Variants in POLA1 observed in about 807,000 individuals in gnomAD.
POLA1 encodes the protein DNA polymerase alpha catalytic subunit.
Under a neutral mutation model 124.0 loss-of-function variants are expected in POLA1, and 15 were observed. The ratio of observed to expected loss-of-function variants is 0.12; its 90% CI spans 0.08 to 0.19. POLA1 has a LOEUF of 0.19. POLA1 is among the 10% of genes least tolerant of loss of function. The pLI is 1.00. For synonymous variants in POLA1, 408 were observed against 389.4 expected, an observed-to-expected ratio of 1.05 and a Z score of -0.56; for missense variants, 886 against 1,103.4, an observed-to-expected ratio of 0.80 and a Z score of 2.79.
chrX:24,978,411 C>T (rs12010375), intron 36 of POLA1, among the ~76,000 whole-genome samples: 1 of 111,400 alleles, frequency 9.0e-6, no homozygotes, highest in Non-Finnish European at 1.9e-5. Context: ...TCATATTCCA[C>T]CCAGGTCAAA....
intron 36 of POLA1, among the ~76,000 whole-genome samples, chrX:24,973,387 G>T (rs888677312): frequency 6.5e-5 from 7 of 108,316 alleles, no homozygotes; most frequent in African/African-American, 2.5e-4. Context: ...AGGCAAGAAA[G>T]AAAAAGAAAG....
In POLA1 at chrX:24,932,944, C is replaced by A. The variant is rs145166417; in HGVS notation, c.4261+2395C>A. On this transcript the variant is annotated intron_variant, in intron 36 of 36. Transcript: ENST00000379068. ...AAACCAAAACTTGGGGGCACACTTA[C>A]CAAGAGCAGAGGTTTCCTAACACAT... 3.1e-3 allele frequency among the ~76,000 whole-genome samples: 348 copies of A among 111,676 alleles called. 1 individual carries two copies. Among genetic ancestry groups the A allele is most frequent in the African/African-American group, 0.011 (324 of 30,754 alleles).
At chrX:24,703,044 A>T (rs1243664984) in intron 2 of POLA1, among the ~76,000 whole-genome samples, 2 of 112,214 alleles carry the variant, frequency 1.8e-5, no homozygotes, top group Non-Finnish European at 3.8e-5. Flanking sequence ...TCTTATGTTA[A>T]CACCCACCTA....
intron 35 of POLA1, among the ~76,000 whole-genome samples, chrX:24,919,759 C>T (rs2047583711): frequency 9.4e-6 from 1 of 105,882 alleles, no homozygotes; most frequent in Admixed American, 1.0e-4. Flanking sequence ...TTAAGCCCAA[C>T]ACGCACTAGC....
At chrX:24,923,271 C>T (rs1218326789) in intron 35 of POLA1, among the ~76,000 whole-genome samples, 1 of 111,714 alleles carries the variant, frequency 9.0e-6, no homozygotes, top group Non-Finnish European at 1.9e-5. Flanking sequence ...TCAATTTCAT[C>T]ACAGCAGATG....
At chrX:24,754,749 T>C (rs906307021) in intron 26 of POLA1, among the ~76,000 whole-genome samples, 2 of 111,995 alleles carry the variant, frequency 1.8e-5, no homozygotes, top group African/African-American at 6.5e-5. Flanking sequence ...ATACATGTGG[T>C]GTGTTAAAAG....
intron 26 of POLA1, among the ~76,000 whole-genome samples, chrX:24,787,842 AGAT>A (rs2045396486): frequency 1.8e-5 from 2 of 112,170 alleles, no homozygotes; most frequent in African/African-American, 6.5e-5. Context: ...CTCATTGTAA[AGAT>A]GATAATTCAT....
At chrX:24,743,606 T>G (rs774205820) in intron 23 of POLA1, among the ~76,000 whole-genome samples, 1 of 112,161 alleles carries the variant, frequency 8.9e-6, no homozygotes, top group Admixed American at 9.4e-5. Flanking sequence ...TGTTTTTGAT[T>G]TTTTTCCAGC....
intron 34 of POLA1, among the ~76,000 whole-genome samples, chrX:24,882,818 G>A (rs1309832061): frequency 1.8e-5 from 2 of 110,015 alleles, no homozygotes; most frequent in African/African-American, 6.6e-5. Flanking sequence ...ACATATGAGT[G>A]CATGTGTCTT....
At position 24,841,733 on chromosome X, in the gene POLA1, T is replaced by C; in HGVS notation, c.3818T>C (p.Leu1273Pro). 8.4e-7 allele frequency: 1 copy of C among 1,184,936 alleles called. No individual in the cohort carries two copies. The highest frequency in any genetic ancestry group is 1.1e-6 in the Non-Finnish European group (1 of 871,975). Residue 1273 changes from leucine to proline, a missense_variant, in exon 33 of 37, where the codon CTC (leucine) becomes CCC (proline). Physicochemically the swap from Leu to Pro is moderately conservative, Grantham distance 98. Around this residue, in one of 7 missense-constraint regions of POLA1, gnomAD observed 313 missense variants for 359.7 expected, o/e 0.87. Transcript: ENST00000379068. Reference protein sequence around the residue: ...NDALLGGPAQLTDEEKYRDCE... With the variant: ...NDALLGGPAQPTDEEKYRDCE... ...GCTCTACTTGGTGGCCCAGCACAGC[T>C]CACTGATGAAGAGAAATACAGGGAC...
chrX:24,755,680 G>A (rs1329727874), intron 26 of POLA1, among the ~76,000 whole-genome samples: 3 of 111,560 alleles, frequency 2.7e-5, no homozygotes, highest in Non-Finnish European at 5.6e-5. Context: ...TAATTTTAAT[G>A]CCAGATATTT....
intron 24 of POLA1, among the ~76,000 whole-genome samples, chrX:24,747,080 G>T (rs1932043420): frequency 9.0e-6 from 1 of 111,330 alleles, no homozygotes; most frequent in African/African-American, 3.3e-5. Flanking sequence ...TAGGTAAAAG[G>T]TACTACATAA....
At chrX:24,950,562 T>C (rs1248160075) in intron 36 of POLA1, among the ~76,000 whole-genome samples, 1 of 112,142 alleles carries the variant, frequency 8.9e-6, no homozygotes, top group Non-Finnish European at 1.9e-5. Flanking sequence ...GTGGCAAACA[T>C]CTGTTCCACC....
At chrX:24,961,568 C>T (rs189518569) in intron 36 of POLA1, among the ~76,000 whole-genome samples, 6 of 110,830 alleles carry the variant, frequency 5.4e-5, no homozygotes, top group Non-Finnish European at 7.5e-5. Context: ...ATTTCCTCTT[C>T]GAGTGCCCAG....
intron 18 of POLA1, among the ~76,000 whole-genome samples, chrX:24,735,689 A>C (rs1298887346): frequency 9.0e-6 from 1 of 111,235 alleles, no homozygotes; most frequent in African/African-American, 3.3e-5. Context: ...GTATAAAAGC[A>C]ACCTATGACT....
rs773902519 is a variant in POLA1, at chrX:24,745,461, A to G, written c.2610A>G (p.Leu870=). Residue 870 remains leucine, a synonymous_variant, in exon 24 of 37, where the codon CTA becomes CTG. Coordinates refer to ENST00000379068, the MANE Select transcript of POLA1 (RefSeq NM_001330360.2). The stretch of plus-strand genomic sequence containing the variant: ...TTTTGCTTCTGGACTTCAACAGTCT[A>G]TATCCTTCCATCATTCAGGAATTTA... ...KFILLLDFNS[L]YPSIIQEFNI... is the part of the protein sequence containing the mutation. 1.1e-5 allele frequency: 13 copies of G among 1,137,679 alleles called. No homozygotes were observed. Among genetic ancestry groups the G allele is most frequent in the Non-Finnish European group, 1.3e-5 (11 of 830,960 alleles). 93.8% of individuals were successfully genotyped at this position (1,137,679 alleles called of 1,213,427 possible).
intron 35 of POLA1, among the ~76,000 whole-genome samples, chrX:24,915,759 A>G (rs1453404292): frequency 8.9e-6 from 1 of 112,025 alleles, no homozygotes; most frequent in Non-Finnish European, 1.9e-5. Context: ...TCTATATGCC[A>G]GTACCATATT....
At chrX:24,741,152 C>CGT (rs36092075) in intron 20 of POLA1, among the ~76,000 whole-genome samples, 3,061 of 66,148 alleles carry the variant, frequency 0.046, 51 homozygotes, top group Non-Finnish European at 0.067. Context: ...TGTGTGCGCG[C>CGT]GTGTGTGTGT....
At chrX:24,842,341 C>T (rs984002682) in intron 33 of POLA1, among the ~76,000 whole-genome samples, 1 of 111,576 alleles carries the variant, frequency 9.0e-6, no homozygotes, top group African/African-American at 3.3e-5. Flanking sequence ...CACAGGGAGA[C>T]ATTCCTTTCA....
Sources: allele counts gnomAD v4.1 joint callset (sites outside exome capture counted in the v4.1 genomes callset), GRCh38; gene constraint gnomAD v4.1.1; regional missense constraint gnomAD v4.1.1; transcripts MANE v1.5; gene names NCBI Gene and HGNC (gene_info 2026-07-23, HGNC 2026-07-21).